The following UBE2D1 variants were observed in gnomAD, a reference collection of about 807,000 sequenced individuals.
UBE2D1 encodes ubiquitin conjugating enzyme E2 D1.
Under a neutral mutation model 24.6 loss-of-function variants are expected in UBE2D1, and 9 were observed. That is an observed-to-expected ratio of 0.37 (90% CI 0.22 to 0.64). The LOEUF (loss-of-function observed/expected upper bound fraction) is 0.64. UBE2D1 is among the 30% of genes least tolerant of loss of function. UBE2D1 has a pLI of 0.64. For missense variants in UBE2D1, 87 were observed against 177.1 expected, an observed-to-expected ratio of 0.49 and a Z score of 2.89; for synonymous variants, 57 against 57.6, an observed-to-expected ratio of 0.99 and a Z score of 0.04.
chr10:58,335,127 A>G lies in UBE2D1; in HGVS notation c.-75A>G. 6.7e-7 allele frequency: 1 copy of G among 1,490,878 alleles called. No individual in the cohort carries two copies. The highest frequency in any genetic ancestry group is 9.0e-7 in the Non-Finnish European group (1 of 1,109,064). 92.4% of individuals were successfully genotyped at this position (1,490,878 alleles called of 1,614,324 possible). On this transcript the variant is annotated 5_prime_UTR_variant, in exon 1 of 7. Coordinates refer to ENST00000373910, the MANE Select transcript of UBE2D1 (RefSeq NM_003338.5). ...GCCAGCCTAGCTGCCAGCGAGCCCA[A>G]CCCGCGACGACCCACGCCCCTGAGC...
chr10:58,339,457 A>G (rs1052776259), intron 1 of UBE2D1, among the ~76,000 whole-genome samples: 1 of 152,172 alleles, frequency 6.6e-6, no homozygotes, highest in Non-Finnish European at 1.5e-5. Flanking sequence ...TCGTACAATG[A>G]GGCTAGTACA....
At chr10:58,345,793 G>A (rs1840009037) in intron 1 of UBE2D1, among the ~76,000 whole-genome samples, 3 of 152,096 alleles carry the variant, frequency 2.0e-5, no homozygotes. Context: ...ACTTAGGGGA[G>A]CCAGGCTTGT....
At chr10:58,342,623 T>C (rs957387035) in intron 1 of UBE2D1, among the ~76,000 whole-genome samples, 12 of 152,176 alleles carry the variant, frequency 7.9e-5, no homozygotes, top group Non-Finnish European at 1.5e-4. Context: ...TGTTTTCACT[T>C]AAATTTAAAG....
chr10:58,369,527 A>G lies in UBE2D1; in HGVS notation c.*762A>G, dbSNP rs932067969. 1 of 152,514 alleles carries G rather than the reference A, an allele frequency of 6.6e-6. No individual in the cohort carries two copies. Among genetic ancestry groups the G allele is most frequent in the African/African-American group, 2.4e-5 (1 of 41,440 alleles). 9.4% of individuals were successfully genotyped at this position (152,514 alleles called of 1,614,324 possible). On this transcript the variant is annotated 3_prime_UTR_variant, in exon 7 of 7. Coordinates refer to ENST00000373910, the MANE Select transcript of UBE2D1 (RefSeq NM_003338.5). Reference sequence around the variant, plus strand: ...ATTTGAATTTTTTCCTGTATAGGCAATATTATATTGACACCTTTTACAGAT... The same window carrying G: ...ATTTGAATTTTTTCCTGTATAGGCAGTATTATATTGACACCTTTTACAGAT...
intron 1 of UBE2D1, among the ~76,000 whole-genome samples, chr10:58,342,418 C>T (rs1839970980): frequency 6.6e-6 from 1 of 152,074 alleles, no homozygotes; most frequent in Admixed American, 6.6e-5. Flanking sequence ...TAAGCTTCCT[C>T]AGATAATAAT....
chr10:58,342,015 A>G (rs1438105024), intron 1 of UBE2D1, among the ~76,000 whole-genome samples: 1 of 152,228 alleles, frequency 6.6e-6, no homozygotes, highest in Non-Finnish European at 1.5e-5. Flanking sequence ...AAGGCAGGAC[A>G]GGTTTTATTT....
At chr10:58,335,874 T>A (rs1276808290) in intron 1 of UBE2D1, among the ~76,000 whole-genome samples, 1 of 152,134 alleles carries the variant, frequency 6.6e-6, no homozygotes, top group Non-Finnish European at 1.5e-5. Flanking sequence ...TAGTTGCTGA[T>A]ACACAACAAG....
At chr10:58,368,211 T>A (rs567224091) in intron 6 of UBE2D1, 195 bp downstream of exon 6, 1 of 486,134 alleles carries the variant, frequency 2.1e-6, no homozygotes, top group African/African-American at 1.9e-5. Flanking sequence ...TCCTTCCCAC[T>A]TACTGTTCAA....
intron 1 of UBE2D1, among the ~76,000 whole-genome samples, chr10:58,359,991 C>G (rs1312169093): frequency 6.6e-6 from 1 of 152,194 alleles, no homozygotes; most frequent in Admixed American, 6.5e-5. Flanking sequence ...AGCTTCTCCT[C>G]TTTCCCATGT....
intron 1 of UBE2D1, among the ~76,000 whole-genome samples, chr10:58,347,728 A>T (rs1490562957): frequency 1.4e-5 from 2 of 147,600 alleles, no homozygotes; most frequent in African/African-American, 2.5e-5. Flanking sequence ...GCTTGCTGCA[A>T]CCTCCGCCTC....
chr10:58,366,635 A>T lies in UBE2D1; in HGVS notation c.305-1288A>T, dbSNP rs1840258563. ...TTGTTTTTTAATTAAATATAGACAG[A>T]GTCTTGCTGTGTTGCCCAGGCTGGT... On this transcript the variant is annotated intron_variant, in intron 5 of 6. Transcript: ENST00000373910. 2.0e-5 allele frequency among the ~76,000 whole-genome samples: 3 copies of T among 152,116 alleles called. 1 individual carries two copies. The South Asian group carries it at 6.2e-4, about 32-fold the overall frequency.
At position 58,367,950 on chromosome 10, in the gene UBE2D1, G is replaced by A; in HGVS notation, c.332G>A (p.Cys111Tyr). ...TTATTGTCCATATGTTCTCTACTTT[G>A]TGATCCTAATCCAGATGACCCCTTA... ...KVLLSICSLL[C>Y]DPNPDDPLVP... The change falls in exon 6 of 7, where the codon TGT becomes TAT. Residue 111 changes from cysteine to tyrosine, a missense_variant. Cys to Tyr is a radical substitution (Grantham distance 194). Coordinates refer to ENST00000373910, the MANE Select transcript of UBE2D1 (RefSeq NM_003338.5). 6.2e-7 allele frequency: 1 copy of A among 1,610,226 alleles called. No homozygotes were observed. The highest frequency in any genetic ancestry group is 8.5e-7 in the Non-Finnish European group (1 of 1,177,408).
Position 58,335,368 on chromosome 10 carries a change from C to T in UBE2D1, c.24+143C>T. Reference sequence around the variant, plus strand: ...GCGGGCAGGGAGCTGAAGGCTCGGGCCGGGCCAGCGGGCATCGGACAGGTG... The same window carrying T: ...GCGGGCAGGGAGCTGAAGGCTCGGGTCGGGCCAGCGGGCATCGGACAGGTG... On this transcript the variant is annotated intron_variant, in intron 1 of 6. Transcript: ENST00000373910. 5.6e-6 allele frequency: 6 copies of T among 1,067,346 alleles called. No homozygotes were observed. The South Asian group carries it at 8.7e-5, about 15-fold the overall frequency. 66.1% of individuals were successfully genotyped at this position (1,067,346 alleles called of 1,614,324 possible). A position where few individuals can be genotyped will look rare whatever the true frequency, so the allele number is the denominator to read the frequency against.
intron 1 of UBE2D1, among the ~76,000 whole-genome samples, chr10:58,352,619 C>T (rs1840089920): frequency 6.6e-6 from 1 of 151,998 alleles, no homozygotes; most frequent in Admixed American, 6.6e-5. Context: ...TTCTATGCCC[C>T]CAGCAATCTA....
At chr10:58,359,982 G>T (rs114046963) in intron 1 of UBE2D1, among the ~76,000 whole-genome samples, 3,656 of 152,158 alleles carry the variant, frequency 0.024, 50 homozygotes, top group African/African-American at 0.039. Context: ...TAATATTGTA[G>T]CTTCTCCTCT....
At chr10:58,345,013 C>T (rs1840000923) in intron 1 of UBE2D1, among the ~76,000 whole-genome samples, 3 of 151,964 alleles carry the variant, frequency 2.0e-5, no homozygotes, top group Admixed American at 2.0e-4. Flanking sequence ...TACAGGTGTG[C>T]ACTACCATGC....
intron 1 of UBE2D1, among the ~76,000 whole-genome samples, chr10:58,338,693 A>G (rs1206839877): frequency 6.6e-6 from 1 of 152,234 alleles, no homozygotes; most frequent in Admixed American, 6.5e-5. Flanking sequence ...ATCCTAAAAC[A>G]GTCATTGTCA....
At chr10:58,367,299 G>A (rs1360997926) in intron 5 of UBE2D1, among the ~76,000 whole-genome samples, 2 of 143,082 alleles carry the variant, frequency 1.4e-5, no homozygotes, top group African/African-American at 2.9e-5. Flanking sequence ...TACTTAGATC[G>A]TTAGTGTGTG....
At chr10:58,362,538 C>A (rs1024031280) in intron 3 of UBE2D1, among the ~76,000 whole-genome samples, 3 of 152,096 alleles carry the variant, frequency 2.0e-5, no homozygotes, top group Admixed American at 6.5e-5. Context: ...TAAAGGCCCA[C>A]CCTTACCTTT....
Sources: allele counts gnomAD v4.1 joint callset (sites outside exome capture counted in the v4.1 genomes callset), GRCh38; gene constraint gnomAD v4.1.1; transcripts MANE v1.5; gene names NCBI Gene and HGNC (gene_info 2026-07-23, HGNC 2026-07-21).